The following NAV1 variants were observed in gnomAD, a reference collection of about 807,000 sequenced individuals.
NAV1 encodes the protein pore membrane and/or filament interacting like protein 3.
A neutral mutation model predicts 175.2 loss-of-function variants in NAV1; 18 were observed. The observed-to-expected ratio is 0.10, with a 90% CI of 0.07 to 0.15. The LOEUF is 0.15. Ranked by LOEUF, NAV1 falls within the 10% of genes least tolerant of loss-of-function variation. The pLI, the probability that NAV1 is intolerant of heterozygous loss-of-function variation, is 1.00. For missense variants in NAV1, 1,731 were observed against 2,436.6 expected, an observed-to-expected ratio of 0.71 and a Z score of 6.10; for synonymous variants, 897 against 978.7, an observed-to-expected ratio of 0.92 and a Z score of 1.56.
chr1:201,650,165 G>A (rs968506976), intron 1 of NAV1, among the ~76,000 whole-genome samples: 1 of 152,240 alleles, frequency 6.6e-6, no homozygotes, highest in African/African-American at 2.4e-5. Context: ...GCTAATGGAA[G>A]CCGAGCAGGC....
At chr1:201,648,807 G>A (rs981895994) in exon 1 of NAV1, 1 of 1,560,930 alleles carries the variant, frequency 6.4e-7, no homozygotes, top group Admixed American at 1.9e-5. Context: ...GCCCAAGCGC[G>A]CCAAGGCGCC....
At position 201,767,181 on chromosome 1, in the gene NAV1, T is replaced by C. The variant is rs200238076; in HGVS notation, c.1227-13240T>C. Reference sequence around the variant, plus strand: ...AAAAAAGTGAAACAAAGGCCAGGCATGGTGGCTCACGCCTGTAATCCCAGC... The same window carrying C: ...AAAAAAGTGAAACAAAGGCCAGGCACGGTGGCTCACGCCTGTAATCCCAGC... On this transcript the variant is annotated intron_variant, in intron 3 of 29. Transcript: ENST00000367296. Among the ~76,000 whole-genome samples the C allele has an allele frequency of 5.4e-5, 8 of 147,656 alleles. No individual in the cohort carries two copies. In the East Asian group the frequency reaches 1.8e-3, roughly 33 times the overall value.
At chr1:201,554,824 T>C (rs1396647471) in intron 1 of NAV1, among the ~76,000 whole-genome samples, 2 of 152,172 alleles carry the variant, frequency 1.3e-5, no homozygotes, top group African/African-American at 4.8e-5. Flanking sequence ...CAGAAATCTA[T>C]AGTGTCAGTT....
Position 201,718,748 on chromosome 1 carries a change from A to G in NAV1, c.1219A>G (p.Thr407Ala). ...GACCATGACGGAGGATGATGACATCACTACCGGGTAAGCGCAGGGGCTTCT... is the reference window on the plus strand; with the variant it reads ...GACCATGACGGAGGATGATGACATCGCTACCGGGTAAGCGCAGGGGCTTCT... The change falls in exon 3 of 30, where the codon ACT (threonine) becomes GCT (alanine). Residue 407 changes from threonine to alanine, a missense_variant. By Grantham distance (58) the Thr-to-Ala change is moderately conservative (BLOSUM62 0). Coordinates refer to ENST00000367296, the Ensembl canonical transcript of NAV1. The surrounding 1 kb of genome is among the most constrained non-coding windows in gnomAD (Gnocchi z 4.8). 6.2e-7 allele frequency: 1 copy of G among 1,606,634 alleles called. No homozygotes were observed. The highest frequency in any genetic ancestry group is 1.3e-5 in the African/African-American group (1 of 74,924).
At chr1:201,715,445 C>T (rs984910297) in intron 2 of NAV1, among the ~76,000 whole-genome samples, 4 of 152,192 alleles carry the variant, frequency 2.6e-5, no homozygotes, top group African/African-American at 9.7e-5. Flanking sequence ...CAGGTGTGAG[C>T]CACCACGCCC....
intron 1 of NAV1, among the ~76,000 whole-genome samples, chr1:201,684,423 A>G (rs1295652810): frequency 6.6e-6 from 1 of 151,552 alleles, no homozygotes; most frequent in Non-Finnish European, 1.5e-5. Flanking sequence ...GATGTCTGCA[A>G]CGCTAACCTA....
exon 30 of NAV1, chr1:201,822,670 G>A (rs1208247902): frequency 6.6e-6 from 1 of 152,630 alleles, no homozygotes; most frequent in African/African-American, 2.4e-5. Flanking sequence ...TCAGCTGACT[G>A]CTGCATTTAG....
chr1:201,616,382 C>T (rs1191180640), intron 2 of NAV1, among the ~76,000 whole-genome samples: 1 of 152,160 alleles, frequency 6.6e-6, no homozygotes, highest in African/African-American at 2.4e-5. Context: ...AGACCTCAAA[C>T]CACCAACTAC....
chr1:201,540,008 G>C (rs1207574104), intron 1 of NAV1, among the ~76,000 whole-genome samples: 2 of 152,228 alleles, frequency 1.3e-5, no homozygotes, highest in African/African-American at 4.8e-5. Flanking sequence ...GGGTGATCAC[G>C]GGGAGCTCAC....
Position 201,808,399 on chromosome 1 carries a change from G to T in NAV1, c.3846-19G>T. 2 of 1,599,772 alleles carry T rather than the reference G, an allele frequency of 1.3e-6. No homozygotes were observed. Among genetic ancestry groups the T allele is most frequent in the South Asian group, 2.2e-5 (2 of 89,106 alleles). ...AGTGCTTCTTCATGTAGCCTGGCTT[G>T]ACTCTTGCTATCTTACAGGGGCCCT... On this transcript the variant is annotated intron_variant, in intron 18 of 29. Coordinates refer to ENST00000367296, the Ensembl canonical transcript of NAV1. This position sits in a 1 kb window ranked among gnomAD's most constrained non-coding sequence, Gnocchi z 5.5.
Position 201,782,485 on chromosome 1 carries a change from G to T in NAV1, c.1973G>T (p.Gly658Val). 1 of 1,613,476 alleles carries T rather than the reference G, an allele frequency of 6.2e-7. No individual in the cohort carries two copies. Among genetic ancestry groups the T allele is most frequent in the Non-Finnish European group, 8.5e-7 (1 of 1,179,452 alleles). The change falls in exon 6 of 30, where the codon GGA becomes GTA. Residue 658 changes from glycine to valine, a missense_variant. Coordinates refer to ENST00000367296, the Ensembl canonical transcript of NAV1. This position sits in a 1 kb window ranked among gnomAD's most constrained non-coding sequence, Gnocchi z 5.4. Reference sequence around the variant, plus strand: ...GATGTTTCCAACAGTGCAGAGCCAGGATTCCTGGCTCCTGGAGCCCGTTCT... The same window carrying T: ...GATGTTTCCAACAGTGCAGAGCCAGTATTCCTGGCTCCTGGAGCCCGTTCT...
At chr1:201,624,513 T>G (rs527330131) in intron 1 of NAV1, among the ~76,000 whole-genome samples, 1 of 151,708 alleles carries the variant, frequency 6.6e-6, no homozygotes, top group South Asian at 2.1e-4. Context: ...CTGGCTAATT[T>G]TTTTTTGTAT....
intron 2 of NAV1, among the ~76,000 whole-genome samples, chr1:201,598,439 C>A (rs922653429): frequency 6.6e-6 from 1 of 152,122 alleles, no homozygotes. Flanking sequence ...TCGATCAGGT[C>A]TTTTTGGCCT....
In NAV1 at chr1:201,750,323, TA is replaced by T. The variant is rs1293240526; in HGVS notation, c.1227-30097del. 6.6e-6 allele frequency among the ~76,000 whole-genome samples: 1 copy of T among 152,046 alleles called. No individual in the cohort carries two copies. The highest frequency in any genetic ancestry group is 1.9e-4 in the East Asian group (1 of 5,190). On this transcript the variant is annotated intron_variant, in intron 3 of 29. Coordinates refer to ENST00000367296, the Ensembl canonical transcript of NAV1. The surrounding 1 kb of genome is among the most constrained non-coding windows in gnomAD (Gnocchi z 4.1). The stretch of plus-strand genomic sequence containing the variant: ...CGTGGATGACTTGGTGCATCAGTGA[TA>T]GGGGAGAAATGACTGAGGTAAACTG...
intron 2 of NAV1, among the ~76,000 whole-genome samples, chr1:201,615,267 C>CTTTTTT (rs949162841): frequency 6.8e-4 from 97 of 142,010 alleles, no homozygotes; most frequent in African/African-American, 2.5e-3. Flanking sequence ...TTCTTTCTTT[C>CTTTTTT]TTTTTTTTTT....
chr1:201,696,246 T>C (rs1206912935), intron 1 of NAV1, among the ~76,000 whole-genome samples: 1 of 152,122 alleles, frequency 6.6e-6, no homozygotes, highest in African/African-American at 2.4e-5. Context: ...GCCCTGAAGC[T>C]CTGCTTTTGG....
At chr1:201,639,215 G>A (rs984136005) in intron 2 of NAV1, among the ~76,000 whole-genome samples, 6 of 152,234 alleles carry the variant, frequency 3.9e-5, no homozygotes, top group African/African-American at 1.4e-4. Context: ...AGCAGGTGAA[G>A]CCAGAGTGGG....
chr1:201,792,736 G>T (rs1179964813), intron 13 of NAV1: 5 of 152,218 alleles, frequency 3.3e-5, no homozygotes, highest in African/African-American at 1.2e-4. Context: ...CAGAGCCCAG[G>T]CCTTGACAGA....
chr1:201,695,926 C>T (rs894361850), intron 1 of NAV1, among the ~76,000 whole-genome samples: 11 of 152,248 alleles, frequency 7.2e-5, no homozygotes, highest in African/African-American at 2.2e-4. Context: ...CTTTCCTCTT[C>T]GTATCCCTGC....
Sources: gnomAD v4.1 joint callset for allele counts (sites outside exome capture counted in the v4.1 genomes callset) on GRCh38, gnomAD v4.1.1 for gene constraint, Gnocchi (gnomAD v3.1) non-coding constraint, MANE v1.5 for transcripts, NCBI Gene and HGNC (gene_info 2026-07-23, HGNC 2026-07-21) for gene names.